Variants in SRRD observed in about 807,000 individuals in gnomAD.
The protein encoded by SRRD is SRR1-like protein.
In SRRD, 28 loss-of-function variants were observed where a neutral mutation model predicts 30.7. The ratio of observed to expected loss-of-function variants is 0.91; its 90% CI spans 0.68 to 1.25. The LOEUF is 1.25. Among genes scored for constraint, SRRD ranks in the 50% most tolerant of loss-of-function variants. SRRD has a pLI of 0.00. For synonymous variants in SRRD, 161 were observed against 159.6 expected, an observed-to-expected ratio of 1.01 and a Z score of -0.07; for missense variants, 415 against 417.3, an observed-to-expected ratio of 0.99 and a Z score of 0.05.
At chr22:26,486,938 T>C (rs2147107362) in intron 2 of SRRD, among the ~76,000 whole-genome samples, 1 of 151,596 alleles carries the variant, frequency 6.6e-6, no homozygotes, top group East Asian at 1.9e-4. Flanking sequence ...TTTTTTTCTT[T>C]TGAGACGGAG....
chr22:26,486,121 AT>A, intron 2 of SRRD, 58 bp downstream of exon 2: 1 of 1,610,176 alleles, frequency 6.2e-7, no homozygotes, highest in East Asian at 2.2e-5. Context: ...ATCAGTCCTC[AT>A]TTGAGGACAT....
Position 26,483,882 on chromosome 22 carries a change from C to A in SRRD, c.-9C>A. 7.4e-7 allele frequency: 1 copy of A among 1,350,228 alleles called. No individual in the cohort carries two copies. Among genetic ancestry groups the A allele is most frequent in the South Asian group, 1.9e-5 (1 of 53,678 alleles). The allele number at this position is 1,350,228 out of a possible 1,614,324, so 83.6% of individuals were successfully genotyped here. ...CGAGTGCGCCGCACGCCGCTGACGT[C>A]AGAGACCAATGGCTGCGGCCGCAGC... On this transcript the variant is annotated 5_prime_UTR_variant, in exon 1 of 7. Transcript: ENST00000215917.
In SRRD at chr22:26,493,924, G is replaced by C. The variant is rs894499162; in HGVS notation, c.*2252G>C. The C allele has an allele frequency of 9.2e-6, 5 of 542,068 alleles. No individual in the cohort carries two copies. The highest frequency in any genetic ancestry group is 1.9e-5 in the African/African-American group (1 of 52,438). 33.6% of individuals were successfully genotyped at this position (542,068 alleles called of 1,614,324 possible). On this transcript the variant is annotated 3_prime_UTR_variant, in exon 7 of 7. Coordinates refer to ENST00000215917, the MANE Select transcript of SRRD (RefSeq NM_001013694.3). Reference sequence around the variant, plus strand: ...CCAGCTTAAGTCAGTCTCCACTCAGGGAAGATGCCCCTCTCAGTCATGGTA... The same window carrying C: ...CCAGCTTAAGTCAGTCTCCACTCAGCGAAGATGCCCCTCTCAGTCATGGTA...
At chr22:26,489,395 G>A (rs1266996856) in intron 4 of SRRD, among the ~76,000 whole-genome samples, 1 of 152,098 alleles carries the variant, frequency 6.6e-6, no homozygotes, top group Non-Finnish European at 1.5e-5. Flanking sequence ...GGATTCCTGG[G>A]TCTGAGCTGG....
Position 26,492,263 on chromosome 22 carries a change from T to C in SRRD, c.*591T>C, listed in dbSNP as rs779320513. On this transcript the variant is annotated 3_prime_UTR_variant, in exon 7 of 7. Transcript: ENST00000215917. ...GCCAATGCCCCTCTGAGCCATGTTC[T>C]CAGCCTCCCGCCTCTCCTGCATGGC... 1 of 1,614,254 alleles carries C rather than the reference T, an allele frequency of 6.2e-7. No individual in the cohort carries two copies. The highest frequency in any genetic ancestry group is 2.2e-5 in the East Asian group (1 of 44,896).
In SRRD at chr22:26,494,305, CT is replaced by C; in HGVS notation, c.*2634del. 6.2e-7 allele frequency: 1 copy of C among 1,614,180 alleles called. No homozygotes were observed. The highest frequency in any genetic ancestry group is 8.5e-7 in the Non-Finnish European group (1 of 1,180,038). On this transcript the variant is annotated 3_prime_UTR_variant, in exon 7 of 7. Transcript: ENST00000215917. ...TGTTACTGAGCCAAGAGCACAGCAC[CT>C]GCCAAAAAGAAAAATTACTTGCATC... is the stretch of plus-strand genomic sequence containing the variant.
Position 26,494,619 on chromosome 22 carries a change from G to T in SRRD, c.*2947G>T. On this transcript the variant is annotated 3_prime_UTR_variant, in exon 7 of 7. Coordinates refer to ENST00000215917, the MANE Select transcript of SRRD (RefSeq NM_001013694.3). ...AAATAAAGTGCTTGGAACAGCTTCT[G>T]ATACATGGCAAATGTCCAATAAATG... 2 of 928,694 alleles carry T rather than the reference G, an allele frequency of 2.2e-6. No individual in the cohort carries two copies. Among genetic ancestry groups the T allele is most frequent in the Non-Finnish European group, 3.2e-6 (2 of 630,126 alleles). 57.5% of individuals were successfully genotyped at this position (928,694 alleles called of 1,614,324 possible).
chr22:26,485,900 AG>A, intron 1 of SRRD, 122 bp from the exon 2 acceptor site: 1 of 1,080,098 alleles, frequency 9.3e-7, no homozygotes, highest in Non-Finnish European at 1.4e-6. Flanking sequence ...TCACTTGGTA[AG>A]GGTGGGCCCT....
intron 1 of SRRD, among the ~76,000 whole-genome samples, chr22:26,484,788 G>A (rs1602174855): frequency 6.6e-6 from 1 of 152,182 alleles, no homozygotes; most frequent in African/African-American, 2.4e-5. Context: ...CATAGAGAGT[G>A]CCTAATACAG....
chr22:26,483,988 CGCCCCGGGGGAGAGAGGCGG>C lies in SRRD; in HGVS notation c.99_118del (p.Pro34AlafsTer18). 1 of 44,198 alleles carries C rather than the reference CGCCCCGGGGGAGAGAGGCGG, an allele frequency of 2.3e-5. No homozygotes were observed. Among genetic ancestry groups the C allele is most frequent in the Non-Finnish European group, 3.3e-5 (1 of 30,690 alleles). 2.7% of individuals were successfully genotyped at this position (44,198 alleles called of 1,614,324 possible). ...CGACGGCCGCGGCGGAGGGAGGCGG[CGCCCCGGGGGAGAGAGGCGG>C]CGCCCCGGGGGAGAGAGGCGGCGCC... is the stretch of plus-strand genomic sequence containing the variant. On this transcript the variant is annotated frameshift_variant, in exon 1 of 7. Coordinates refer to ENST00000215917, the MANE Select transcript of SRRD (RefSeq NM_001013694.3). LOFTEE classifies it high-confidence loss of function.
At chr22:26,489,318 G>A (rs2091730899) in intron 4 of SRRD, among the ~76,000 whole-genome samples, 1 of 152,130 alleles carries the variant, frequency 6.6e-6, no homozygotes, top group Non-Finnish European at 1.5e-5. Flanking sequence ...TGGTCAACAA[G>A]TGAATGAGGA....
intron 6 of SRRD, 122 bp from the exon 7 acceptor site, chr22:26,491,341 A>G (rs1921146613): frequency 2.4e-6 from 2 of 846,038 alleles, no homozygotes; most frequent in Non-Finnish European, 3.7e-6. Context: ...AAATCAAAAT[A>G]CCCTATTTGT....
Position 26,491,140 on chromosome 22 carries a change from C to T in SRRD, c.810+70C>T, listed in dbSNP as rs1921122088. 10 of 1,500,706 alleles carry T rather than the reference C, an allele frequency of 6.7e-6. No homozygotes were observed. In the Admixed American group the frequency reaches 1.1e-4, roughly 17 times the overall value. The allele number at this position is 1,500,706 out of a possible 1,614,324, so 93.0% of individuals were successfully genotyped here. A position where few individuals can be genotyped will look rare whatever the true frequency, so the allele number is the denominator to read the frequency against. On this transcript the variant is annotated intron_variant, in intron 6 of 6. Transcript: ENST00000215917. ...CTGTGAAGAATTCTATCTTTCTTTA[C>T]AGGCGTAGGAGGAAACTCATGGGCT...
intron 6 of SRRD, 116 bp downstream of exon 6, chr22:26,491,186 C>CAA: frequency 9.6e-7 from 1 of 1,037,026 alleles, no homozygotes; most frequent in Admixed American, 2.4e-5. Flanking sequence ...AGTGTACTGT[C>CAA]AGCTCTCTCC....
rs2091723913 is a variant in SRRD at position 26,488,306 on chromosome 22, T to C, written c.510+18T>C. ...AGTGCCAGGTACATTTTTGGATTCA[T>C]TTTCATCTCCTCCTCCTCTGGTCCT... On this transcript the variant is annotated intron_variant, in intron 3 of 6. Transcript: ENST00000215917. 1.2e-6 allele frequency: 2 copies of C among 1,612,758 alleles called. No individual in the cohort carries two copies. The highest frequency in any genetic ancestry group is 8.5e-7 in the Non-Finnish European group (1 of 1,178,970).
intron 4 of SRRD, among the ~76,000 whole-genome samples, 187 bp from the exon 5 acceptor site, chr22:26,489,857 G>C (rs140813937): frequency 6.6e-6 from 1 of 152,266 alleles, no homozygotes; most frequent in East Asian, 1.9e-4. Flanking sequence ...GGGACATCAT[G>C]ATTTCCTGAC....
At position 26,486,078 on chromosome 22, in the gene SRRD, G is replaced by A; in HGVS notation, c.250+15G>A. ...TTCAGCACTAGGTGGGTACCACTTG[G>A]CCAATGGTAGGGATTGTGGGGCAGA... On this transcript the variant is annotated intron_variant, in intron 2 of 6. Coordinates refer to ENST00000215917, the MANE Select transcript of SRRD (RefSeq NM_001013694.3). The A allele has an allele frequency of 6.2e-7, 1 of 1,614,158 alleles. No individual in the cohort carries two copies.
At chr22:26,486,142 C>G in intron 2 of SRRD, 79 bp downstream of exon 2, 1 of 1,584,476 alleles carries the variant, frequency 6.3e-7, no homozygotes, top group South Asian at 1.1e-5. Context: ...TTTTGCTTCA[C>G]AGAGGGATAA....
chr22:26,492,481 G>A lies in SRRD; in HGVS notation c.*809G>A. Reference sequence around the variant, plus strand: ...GCCAGAGTGCTTGTGACTCACTGAAGGGCAGCTCTGCCTCAAAGATACAAC... The same window carrying A: ...GCCAGAGTGCTTGTGACTCACTGAAAGGCAGCTCTGCCTCAAAGATACAAC... On this transcript the variant is annotated 3_prime_UTR_variant, in exon 7 of 7. Coordinates refer to ENST00000215917, the MANE Select transcript of SRRD (RefSeq NM_001013694.3). 3 of 906,566 alleles carry A rather than the reference G, an allele frequency of 3.3e-6. No homozygotes were observed. Among genetic ancestry groups the A allele is most frequent in the South Asian group, 1.6e-5 (1 of 62,766 alleles). The allele number at this position is 906,566 out of a possible 1,614,324, so 56.2% of individuals were successfully genotyped here.
Sources: gnomAD v4.1 joint callset for allele counts (sites outside exome capture counted in the v4.1 genomes callset) on GRCh38, gnomAD v4.1.1 for gene constraint, MANE v1.5 for transcripts, NCBI Gene and HGNC (gene_info 2026-07-23, HGNC 2026-07-21) for gene names.